The following PDE7A variants were observed in gnomAD, a reference collection of about 807,000 sequenced individuals.
PDE7A encodes phosphodiesterase 7A, also known as high affinity 3',5'-cyclic-AMP phosphodiesterase 7A.
A neutral mutation model predicts 64.3 loss-of-function variants in PDE7A; 39 were observed. The ratio of observed to expected loss-of-function variants is 0.61; its 90% CI spans 0.47 to 0.79. The LOEUF (loss-of-function observed/expected upper bound fraction) is 0.79, where lower values mean the gene tolerates loss of function less well. PDE7A is among the 30% of genes least tolerant of loss of function. The pLI is 0.00. For synonymous variants in PDE7A, 203 were observed against 206.8 expected, an observed-to-expected ratio of 0.98 and a Z score of 0.16; for missense variants, 470 against 582.8, an observed-to-expected ratio of 0.81 and a Z score of 1.99.
chr8:65,761,917 A>G (rs1585887692), intron 3 of PDE7A, among the ~76,000 whole-genome samples: 1 of 152,202 alleles, frequency 6.6e-6, no homozygotes, highest in East Asian at 1.9e-4. Flanking sequence ...ATTCTTTTCT[A>G]TCACCCAAAT....
At chr8:65,783,481 A>G (rs1414407462) in intron 1 of PDE7A, among the ~76,000 whole-genome samples, 3 of 152,122 alleles carry the variant, frequency 2.0e-5, no homozygotes, top group Non-Finnish European at 4.4e-5. Flanking sequence ...CTCATCCTGG[A>G]TCACTGCTTC....
chr8:65,798,207 T>TATA (rs552708184), intron 1 of PDE7A, among the ~76,000 whole-genome samples: 429 of 15,416 alleles, frequency 0.028, 3 homozygotes, highest in African/African-American at 0.077. Context: ...TATATATATA[T>TATA]TTTTTTTTTT....
chr8:65,808,466 A>C (rs571206804), intron 1 of PDE7A, among the ~76,000 whole-genome samples: 2 of 152,228 alleles, frequency 1.3e-5, no homozygotes, highest in African/African-American at 2.4e-5. Flanking sequence ...CCGACATTAT[A>C]AGTTTTTTTT....
chr8:65,828,700 C>T (rs954964885), intron 1 of PDE7A, among the ~76,000 whole-genome samples: 1 of 152,046 alleles, frequency 6.6e-6, no homozygotes, highest in Non-Finnish European at 1.5e-5. Context: ...AATGATACTC[C>T]AACTCCACAT....
intron 7 of PDE7A, among the ~76,000 whole-genome samples, chr8:65,733,387 A>T (rs1474831916): frequency 6.6e-6 from 1 of 152,144 alleles, no homozygotes; most frequent in Non-Finnish European, 1.5e-5. Context: ...TTGTATGGTG[A>T]TTACTCATCA....
chr8:65,723,566 A>G lies in PDE7A; in HGVS notation c.1218T>C (p.Thr406=), dbSNP rs372728992. The part of the protein sequence containing the change: ...LGVSPLCDRH[T]ESIANIQIGF... ...CAATCTGGATGTTGGCAATAGATTC[A>G]GTGTGACGATCGCAAAGTGGACTCA... The change falls in exon 12 of 13, where the codon ACT becomes ACC. Residue 406 remains threonine (T), a synonymous_variant. Coordinates refer to ENST00000401827, the MANE Select transcript of PDE7A (RefSeq NM_001242318.3). 235 of 1,583,684 alleles carry G rather than the reference A, an allele frequency of 1.5e-4. No individual in the cohort carries two copies. The highest frequency in any genetic ancestry group is 1.9e-4 in the Non-Finnish European group (225 of 1,166,754).
chr8:65,784,124 C>T (rs1360176468), intron 1 of PDE7A, among the ~76,000 whole-genome samples: 4 of 151,948 alleles, frequency 2.6e-5, no homozygotes, highest in Non-Finnish European at 2.9e-5. Flanking sequence ...CAGGAGGATC[C>T]CTTGAGCCTA....
intron 3 of PDE7A, among the ~76,000 whole-genome samples, chr8:65,772,579 T>C (rs1809136623): frequency 6.6e-6 from 1 of 152,148 alleles, no homozygotes; most frequent in Admixed American, 6.5e-5. Context: ...TATCTTCAAC[T>C]AGTGCAAGGG....
At chr8:65,736,209 C>T (rs1049016561) in intron 6 of PDE7A, among the ~76,000 whole-genome samples, 3 of 152,132 alleles carry the variant, frequency 2.0e-5, no homozygotes, top group African/African-American at 7.2e-5. Context: ...GTGACGAACA[C>T]AAGCACTGTG....
At chr8:65,786,200 G>A (rs1809554424) in intron 1 of PDE7A, among the ~76,000 whole-genome samples, 1 of 152,052 alleles carries the variant, frequency 6.6e-6, no homozygotes, top group South Asian at 2.1e-4. Flanking sequence ...TTCATTATAA[G>A]GTACTAATTT....
At chr8:65,759,040 A>G (rs1397193887) in intron 3 of PDE7A, among the ~76,000 whole-genome samples, 2 of 152,226 alleles carry the variant, frequency 1.3e-5, no homozygotes, top group South Asian at 2.1e-4. Context: ...GCCCATCTCT[A>G]CACTGCTGCA....
intron 3 of PDE7A, among the ~76,000 whole-genome samples, chr8:65,766,351 A>G (rs1808784974): frequency 6.6e-6 from 1 of 152,266 alleles, no homozygotes; most frequent in African/African-American, 2.4e-5. Context: ...GGCTAATTGA[A>G]CAGAGGAAAA....
At position 65,739,514 on chromosome 8, in the gene PDE7A, G is replaced by T; in HGVS notation, c.583C>A (p.Arg195Ser). Residue 195 changes from arginine to serine, a missense_variant, in exon 6 of 13, where the codon CGT becomes AGT. By Grantham distance (110) the Arg-to-Ser change is moderately radical. Transcript: ENST00000401827. ...EYFHLDMMKL[R>S]RFLVMIQEDY... ...TAGAATCACTTACCTAAAAATCTACGAAGTTTCATCATATCTAAATGGAAG... is the reference window on the plus strand; with the variant it reads ...TAGAATCACTTACCTAAAAATCTACTAAGTTTCATCATATCTAAATGGAAG... 6.4e-7 allele frequency: 1 copy of T among 1,559,882 alleles called. No homozygotes were observed. The highest frequency in any genetic ancestry group is 1.3e-5 in the South Asian group (1 of 79,678).
chr8:65,768,408 A>G lies in PDE7A; in HGVS notation c.283+11312T>C, dbSNP rs555786295. Among the ~76,000 whole-genome samples the G allele has an allele frequency of 2.2e-4, 33 of 152,254 alleles. 1 individual carries two copies. The highest frequency in any genetic ancestry group is 6.8e-3 in the Middle Eastern group (2 of 294). On this transcript the variant is annotated intron_variant, in intron 3 of 12. Coordinates refer to ENST00000401827, the MANE Select transcript of PDE7A (RefSeq NM_001242318.3). ...GGGGTGCTAATTCTCATGATAGTGA[A>G]TAAGTCTCAGGAGATCTCATGGTTT...
intron 1 of PDE7A, among the ~76,000 whole-genome samples, chr8:65,822,788 A>G (rs1281461814): frequency 6.6e-6 from 1 of 151,944 alleles, no homozygotes; most frequent in African/African-American, 2.4e-5. Flanking sequence ...AACTTCAAGA[A>G]CCCCCAAATG....
chr8:65,748,349 C>T (rs945804660), intron 3 of PDE7A, among the ~76,000 whole-genome samples: 3 of 152,044 alleles, frequency 2.0e-5, no homozygotes, highest in Admixed American at 1.3e-4. Flanking sequence ...GGTTTATATC[C>T]TGTAAGTGTT....
At chr8:65,770,121 CTGTGTGTGTGTGTGTGTGTG>C (rs10608556) in intron 3 of PDE7A, among the ~76,000 whole-genome samples, 2,267 of 146,552 alleles carry the variant, frequency 0.015, 27 homozygotes, top group African/African-American at 0.026. Flanking sequence ...CAGTATACTT[CTGTGTGTGTGTGTGTGTGTG>C]TGTGTGTGTG....
intron 1 of PDE7A, among the ~76,000 whole-genome samples, chr8:65,819,347 G>A (rs958538754): frequency 2.4e-4 from 36 of 152,116 alleles, no homozygotes; most frequent in Admixed American, 6.5e-4. Context: ...CAGTGAGCCC[G>A]GACCACACCA....
intron 12 of PDE7A, chr8:65,722,867 T>A (rs1806443044): frequency 1.3e-5 from 2 of 152,336 alleles, no homozygotes; most frequent in African/African-American, 4.8e-5. Context: ...GGAGAGCAGC[T>A]TCTGGAGAAG....
Sources: gnomAD v4.1 joint callset for allele counts (sites outside exome capture counted in the v4.1 genomes callset) on GRCh38, gnomAD v4.1.1 for gene constraint, MANE v1.5 for transcripts, NCBI Gene and HGNC (gene_info 2026-07-23, HGNC 2026-07-21) for gene names.